MOBP: variants seen among roughly 807,000 people sequenced by gnomAD.
MOBP encodes myelin associated oligodendrocyte basic protein.
In MOBP, 5 loss-of-function variants were observed where a neutral mutation model predicts 15.0. The ratio of observed to expected loss-of-function variants is 0.33; its 90% confidence interval spans 0.17 to 0.70. MOBP has a LOEUF of 0.70. MOBP is among the 30% of genes least tolerant of loss of function. The pLI, the probability that MOBP is intolerant of heterozygous loss-of-function variation, is 0.67. For synonymous variants in MOBP, 88 were observed against 99.0 expected (o/e 0.89, Z 0.66); for missense variants, 188 against 257.8 (o/e 0.73, Z 1.85).
At chr3:39,512,775 T>A (rs940229871) in intron 4 of MOBP, among the ~76,000 whole-genome samples, 3 of 152,198 alleles carry the variant, frequency 2.0e-5, no homozygotes, top group Admixed American at 1.3e-4. Context: ...TGACATAGCC[T>A]CATTTCAAAG....
At chr3:39,472,932 CT>C (rs11351882) in intron 1 of MOBP, among the ~76,000 whole-genome samples, 41,488 of 151,808 alleles carry the variant, frequency 0.27, 7,212 homozygotes, top group African/African-American at 0.49. Flanking sequence ...GACTGGGACT[CT>C]TGTCTCAAAA....
At chr3:39,517,467 T>C (rs1403999760), downstream of MOBP, among the ~76,000 whole-genome samples, 1 of 152,160 alleles carries the variant, frequency 6.6e-6, no homozygotes, top group African/African-American at 2.4e-5. Flanking sequence ...CCAGCAGGAC[T>C]CCAGGCCACA....
downstream of MOBP, among the ~76,000 whole-genome samples, chr3:39,520,060 C>G (rs1468172460): frequency 6.7e-6 from 1 of 150,210 alleles, no homozygotes; most frequent in African/African-American, 2.5e-5. Context: ...TCTTATTGCT[C>G]TGGACTTTAT....
intron 1 of MOBP, among the ~76,000 whole-genome samples, chr3:39,472,749 G>T (rs559677288): frequency 6.6e-6 from 1 of 152,202 alleles, no homozygotes; most frequent in Non-Finnish European, 1.5e-5. Flanking sequence ...AACATGGGGG[G>T]ACCCCATCTC....
chr3:39,517,461 C>T (rs1319665104), downstream of MOBP, among the ~76,000 whole-genome samples: 1 of 152,162 alleles, frequency 6.6e-6, no homozygotes, highest in Non-Finnish European at 1.5e-5. Flanking sequence ...GTAGAGCCAG[C>T]AGGACTCCAG....
At chr3:39,468,414 G>A (rs1489582892) in intron 1 of MOBP, among the ~76,000 whole-genome samples, 2 of 152,284 alleles carry the variant, frequency 1.3e-5, no homozygotes, top group Admixed American at 1.3e-4. Context: ...AACGGGGAAA[G>A]GACTTTTTAA....
rs1330902217 is a variant in MOBP at position 39,502,513 on chromosome 3, C to T, written c.207-22C>T. The T allele has an allele frequency of 4.5e-6, 7 of 1,566,152 alleles. No individual in the cohort carries two copies. Among genetic ancestry groups the T allele is most frequent in the Non-Finnish European group, 5.2e-6 (6 of 1,164,658 alleles). ...AGAGGAGAGCCCTGGCTCCCGCCTC[C>T]AGCTTCTTTTGGCCCTCTCAGAACC... On this transcript the variant is annotated intron_variant, in intron 3 of 3. Coordinates refer to ENST00000684792, the MANE Select transcript of MOBP (RefSeq NM_001393704.1). The surrounding 1 kb of genome is among the most constrained non-coding windows in gnomAD (Gnocchi z 6.3).
In MOBP at chr3:39,502,884, C is replaced by A; in HGVS notation, c.*4C>A. On this transcript the variant is annotated 3_prime_UTR_variant, in exon 4 of 4. Coordinates refer to ENST00000684792, the MANE Select transcript of MOBP (RefSeq NM_001393704.1). This position sits in a 1 kb window ranked among gnomAD's most constrained non-coding sequence, Gnocchi z 6.3. The stretch of plus-strand genomic sequence containing the variant: ...CAAAGCTTCTAGGTTCTGGTAACAC[C>A]ATCTCTTCCCTTTTGTTCCCCAGCC... 1 of 1,183,108 alleles carries A rather than the reference C, an allele frequency of 8.5e-7. No individual in the cohort carries two copies. Among genetic ancestry groups the A allele is most frequent in the Non-Finnish European group, 1.2e-6 (1 of 856,046 alleles). The allele number at this position is 1,183,108 out of a possible 1,614,324, so 73.3% of individuals were successfully genotyped here.
chr3:39,523,990 A>G (rs1439834997), intron 3 of MOBP, among the ~76,000 whole-genome samples: 1 of 152,214 alleles, frequency 6.6e-6, no homozygotes, highest in African/African-American at 2.4e-5. Context: ...ATGGCTAAGA[A>G]AAAAATTATA....
At chr3:39,508,969 A>G (rs1172948468) in intron 4 of MOBP, among the ~76,000 whole-genome samples, 1 of 152,156 alleles carries the variant, frequency 6.6e-6, no homozygotes, top group East Asian at 1.9e-4. Flanking sequence ...ATCCCTATAC[A>G]GTATATATGT....
chr3:39,484,334 G>T (rs683089), intron 2 of MOBP, among the ~76,000 whole-genome samples: 45,331 of 152,016 alleles, frequency 0.3, 9,132 homozygotes, highest in African/African-American at 0.57. Context: ...ACCCTGAGGG[G>T]TCTATGTGCC....
chr3:39,491,509 GATTT>G (rs1214077397), intron 2 of MOBP, among the ~76,000 whole-genome samples: 2 of 151,218 alleles, frequency 1.3e-5, no homozygotes, highest in African/African-American at 4.9e-5. Context: ...CAATGGGTAT[GATTT>G]AGGAAATAGC....
chr3:39,520,356 T>C (rs1167052178), downstream of MOBP, among the ~76,000 whole-genome samples: 1 of 152,194 alleles, frequency 6.6e-6, no homozygotes, highest in Non-Finnish European at 1.5e-5. Flanking sequence ...TACTATTGCT[T>C]GCATTGTTTT....
At chr3:39,521,751 A>C (rs2043269711) in intron 3 of MOBP, among the ~76,000 whole-genome samples, 1 of 152,224 alleles carries the variant, frequency 6.6e-6, no homozygotes, top group Admixed American at 6.5e-5. Flanking sequence ...ACTAAAAAGC[A>C]GAGTGTCCGA....
At chr3:39,475,700 T>C (rs1319184928) in intron 1 of MOBP, among the ~76,000 whole-genome samples, 2 of 152,204 alleles carry the variant, frequency 1.3e-5, no homozygotes, top group Non-Finnish European at 2.9e-5. Context: ...CAAATAACTT[T>C]GGTAGGAGCT....
At position 39,480,080 on chromosome 3, in the gene MOBP, A is replaced by G. The variant is rs2042606898; in HGVS notation, c.-48A>G. 1 of 152,112 alleles carries G rather than the reference A, an allele frequency of 6.6e-6. No homozygotes were observed. Among genetic ancestry groups the G allele is most frequent in the Admixed American group, 6.5e-5 (1 of 15,282 alleles). The allele number at this position is 152,112 out of a possible 1,614,324, so 9.4% of individuals were successfully genotyped here. A position where few individuals can be genotyped will look rare whatever the true frequency, so the allele number is the denominator to read the frequency against. On this transcript the variant is annotated 5_prime_UTR_variant, in exon 2 of 4. Transcript: ENST00000684792. ...AAGCAAATGATACCAAGACAAGCTC[A>G]TAACAGAGATCCAATCAGCAGATGT... is the stretch of plus-strand genomic sequence containing the variant.
At chr3:39,471,489 G>T (rs993553574) in intron 1 of MOBP, among the ~76,000 whole-genome samples, 6 of 152,176 alleles carry the variant, frequency 3.9e-5, no homozygotes, top group African/African-American at 1.4e-4. Flanking sequence ...GAACTCCCAT[G>T]GGTAGGCACA....
At chr3:39,526,086 C>G (rs534140912), downstream of MOBP, 1 of 152,148 alleles carries the variant, frequency 6.6e-6, no homozygotes, top group African/African-American at 2.4e-5. Context: ...TAAGTGAGAA[C>G]AAATTACTGG....
At chr3:39,471,974 G>C (rs1459998677) in intron 1 of MOBP, among the ~76,000 whole-genome samples, 4 of 152,108 alleles carry the variant, frequency 2.6e-5, no homozygotes, top group Non-Finnish European at 4.4e-5. Context: ...AAGTCCAAAG[G>C]GTTTTCTATA....
Sources: allele counts gnomAD v4.1 joint callset (sites outside exome capture counted in the v4.1 genomes callset), GRCh38; gene constraint gnomAD v4.1.1; non-coding constraint Gnocchi (gnomAD v3.1); transcripts MANE v1.5; gene names NCBI Gene and HGNC (gene_info 2026-07-23, HGNC 2026-07-21).